The following LRCH1 variants were observed in gnomAD, a reference collection of about 807,000 sequenced individuals.
LRCH1 encodes leucine-rich repeat and calponin homology domain-containing protein 1.
In LRCH1, 23 loss-of-function variants were observed where a neutral mutation model predicts 94.9. The ratio of observed to expected loss-of-function variants is 0.24; its 90% CI spans 0.17 to 0.34. The LOEUF is 0.34. Ranked by LOEUF, LRCH1 falls within the 10% of genes least tolerant of loss-of-function variation. LRCH1 has a pLI of 1.00. For missense variants in LRCH1, 790 were observed against 945.9 expected (o/e 0.84, Z 2.16); for synonymous variants, 364 against 354.9 (o/e 1.03, Z -0.29).
chr13:46,741,267 A>T (rs141338591), intron 19 of LRCH1, among the ~76,000 whole-genome samples: 51 of 152,322 alleles, frequency 3.3e-4, no homozygotes, highest in African/African-American at 1.2e-3. Flanking sequence ...ATAGTTTTTC[A>T]TTTAGTAAGG....
chr13:46,599,024 A>G (rs2050597868), intron 1 of LRCH1, among the ~76,000 whole-genome samples: 1 of 152,226 alleles, frequency 6.6e-6, no homozygotes, highest in African/African-American at 2.4e-5. Context: ...GGAAACCACC[A>G]TTCTGTTTTC....
At chr13:46,694,079 T>G (rs117086090) in intron 8 of LRCH1, among the ~76,000 whole-genome samples, 1 of 152,352 alleles carries the variant, frequency 6.6e-6, no homozygotes, top group East Asian at 1.9e-4. Context: ...ACTGCCACTT[T>G]ATTAATTCAT....
intron 1 of LRCH1, among the ~76,000 whole-genome samples, chr13:46,582,943 A>C (rs1316350355): frequency 6.6e-6 from 1 of 151,920 alleles, no homozygotes; most frequent in Non-Finnish European, 1.5e-5. Flanking sequence ...TAAGAAAACA[A>C]ATGGCAGTTC....
At chr13:46,737,589 T>A (rs1427367102) in intron 19 of LRCH1, among the ~76,000 whole-genome samples, 2 of 152,244 alleles carry the variant, frequency 1.3e-5, no homozygotes, top group Non-Finnish European at 1.5e-5. Context: ...CGACCTCTAG[T>A]GCAAGCATCA....
chr13:46,737,376 G>A (rs563330735), intron 19 of LRCH1, among the ~76,000 whole-genome samples: 2 of 152,136 alleles, frequency 1.3e-5, no homozygotes, highest in Admixed American at 6.5e-5. Flanking sequence ...TTGGGATTAC[G>A]GACATGAGCC....
At chr13:46,599,753 C>A (rs1353011608) in intron 1 of LRCH1, among the ~76,000 whole-genome samples, 1 of 152,092 alleles carries the variant, frequency 6.6e-6, no homozygotes, top group Non-Finnish European at 1.5e-5. Context: ...AATCAATTTA[C>A]CTTATGTTAC....
intron 16 of LRCH1, among the ~76,000 whole-genome samples, chr13:46,716,378 C>G (rs1872321492): frequency 6.6e-6 from 1 of 152,172 alleles, no homozygotes. Context: ...TAGATCTGCA[C>G]ACCACCTATA....
At chr13:46,600,450 C>T (rs4942556) in intron 1 of LRCH1, among the ~76,000 whole-genome samples, 129,406 of 152,184 alleles carry the variant, frequency 0.85, 55,189 homozygotes, top group East Asian at 0.92. Flanking sequence ...TTTTTATTCA[C>T]TTTTGTTTGC....
intron 3 of LRCH1, among the ~76,000 whole-genome samples, chr13:46,675,317 C>T (rs1253492386): frequency 6.6e-6 from 1 of 152,140 alleles, no homozygotes; most frequent in Non-Finnish European, 1.5e-5. Flanking sequence ...CTCATTGGTT[C>T]CCTGTACATG....
chr13:46,682,883 A>G (rs1370023941), intron 4 of LRCH1, among the ~76,000 whole-genome samples: 2 of 152,212 alleles, frequency 1.3e-5, no homozygotes, highest in East Asian at 3.8e-4. Context: ...CAGAAACTGC[A>G]TACCATTTAG....
At chr13:46,750,221 T>C (rs1351462948) in intron 18 of LRCH1, among the ~76,000 whole-genome samples, 1 of 152,222 alleles carries the variant, frequency 6.6e-6, no homozygotes, top group Non-Finnish European at 1.5e-5. Context: ...GCTATTATAT[T>C]CTTGGTGTAT....
At chr13:46,553,791 C>T in intron 1 of LRCH1, 88 bp downstream of exon 1, 1 of 1,554,008 alleles carries the variant, frequency 6.4e-7, no homozygotes, top group Non-Finnish European at 8.7e-7. Flanking sequence ...AGTCGGAGAT[C>T]TTGTCTTGCT....
chr13:46,573,867 T>TATATATATATA (rs1555269135), intron 1 of LRCH1, among the ~76,000 whole-genome samples: 10 of 53,030 alleles, frequency 1.9e-4, no homozygotes, highest in African/African-American at 6.4e-4. Context: ...TATATATATA[T>TATATATATATA]TTTTTTTTTT....
chr13:46,689,237 G>C, intron 7 of LRCH1, 41 bp downstream of exon 7: 1 of 1,501,010 alleles, frequency 6.7e-7, no homozygotes, highest in Non-Finnish European at 9.3e-7. Flanking sequence ...TGTACTTCTA[G>C]ACATATCTAC....
intron 1 of LRCH1, among the ~76,000 whole-genome samples, chr13:46,554,576 T>C (rs2050042424): frequency 2.0e-5 from 3 of 152,226 alleles, no homozygotes; most frequent in Admixed American, 2.0e-4. Context: ...CTCGCGCCAA[T>C]AAGCAGCATA....
intron 1 of LRCH1, among the ~76,000 whole-genome samples, chr13:46,613,804 T>G (rs745575637): frequency 6.6e-6 from 1 of 152,214 alleles, no homozygotes; most frequent in African/African-American, 2.4e-5. Flanking sequence ...GGTATGTTCC[T>G]AAATGTCCTC....
chr13:46,661,263 T>C (rs959064395), intron 2 of LRCH1, among the ~76,000 whole-genome samples: 8 of 152,210 alleles, frequency 5.3e-5, no homozygotes, highest in African/African-American at 2.4e-5. Flanking sequence ...AGGCAACTTA[T>C]AATGAATTAT....
chr13:46,576,592 A>G (rs1252456268), intron 1 of LRCH1, among the ~76,000 whole-genome samples: 3 of 152,192 alleles, frequency 2.0e-5, no homozygotes, highest in Non-Finnish European at 2.9e-5. Flanking sequence ...CCTTCGGAAT[A>G]TTGGAGAGCC....
At chr13:46,644,711 T>A (rs2051199752) in intron 1 of LRCH1, among the ~76,000 whole-genome samples, 1 of 152,184 alleles carries the variant, frequency 6.6e-6, no homozygotes, top group Non-Finnish European at 1.5e-5. Flanking sequence ...TCTCACTAAC[T>A]CAGTGGACAG....
Sources: gnomAD v4.1 joint callset for allele counts (sites outside exome capture counted in the v4.1 genomes callset) on GRCh38, gnomAD v4.1.1 for gene constraint, MANE v1.5 for transcripts, NCBI Gene and HGNC (gene_info 2026-07-23, HGNC 2026-07-21) for gene names.